Variants in GSE1 observed in about 807,000 individuals in gnomAD.
GSE1 encodes the protein genetic suppressor element 1.
GSE1 carries 32 observed loss-of-function variants against 112.6 expected under a neutral mutation model. The observed-to-expected ratio is 0.28, with a 90% confidence interval of 0.21 to 0.38. The LOEUF is 0.38. Ranked by LOEUF, GSE1 falls within the 10% of genes least tolerant of loss-of-function variation. The pLI, the probability that GSE1 is intolerant of heterozygous loss-of-function variation, is 1.00. For synonymous variants in GSE1, 1,115 were observed against 735.6 expected (o/e 1.52, Z -8.35); for missense variants, 2,348 against 1,699.2 (o/e 1.38, Z -6.71).
chr16:85,381,991 C>G (rs746553328), intron 2 of GSE1, among the ~76,000 whole-genome samples: 1 of 152,218 alleles, frequency 6.6e-6, no homozygotes, highest in Admixed American at 6.5e-5. Flanking sequence ...AAATAACAGG[C>G]GTGCAGGCTG....
intron 1 of GSE1, among the ~76,000 whole-genome samples, chr16:85,604,354 T>C (rs951963899): frequency 6.6e-6 from 1 of 152,102 alleles, no homozygotes; most frequent in African/African-American, 2.4e-5. Flanking sequence ...TTTTTATGGC[T>C]GAGTAATAGT....
At chr16:85,170,727 G>A in exon 1 of GSE1, 4 of 985,606 alleles carry the variant, frequency 4.1e-6, no homozygotes, top group Non-Finnish European at 4.8e-6. Context: ...TCCCCTTCCT[G>A]TGGCTGCACA....
chr16:85,310,029 G>A (rs953232277), intron 1 of GSE1, among the ~76,000 whole-genome samples: 24 of 152,254 alleles, frequency 1.6e-4, no homozygotes, highest in Admixed American at 2.6e-4. Flanking sequence ...TTAATCCAGC[G>A]CCTGTCAGTC....
chr16:85,264,283 C>T (rs1309668533), intron 1 of GSE1, among the ~76,000 whole-genome samples: 2 of 152,020 alleles, frequency 1.3e-5, no homozygotes, highest in African/African-American at 4.8e-5. Context: ...GTATCTGTCC[C>T]ACATCCCTAG....
At chr16:85,306,045 C>T (rs530949675) in intron 1 of GSE1, among the ~76,000 whole-genome samples, 20 of 152,092 alleles carry the variant, frequency 1.3e-4, no homozygotes, top group South Asian at 1.0e-3. Flanking sequence ...GAGCCTAGAT[C>T]GTGCCACTGC....
At chr16:85,526,311 C>T (rs1339824757) in intron 2 of GSE1, among the ~76,000 whole-genome samples, 2 of 152,268 alleles carry the variant, frequency 1.3e-5, no homozygotes, top group Non-Finnish European at 2.9e-5. Flanking sequence ...AGTGATGGGG[C>T]GTGCAAGGCA....
At chr16:85,318,045 C>T (rs914765390) in intron 1 of GSE1, among the ~76,000 whole-genome samples, 7 of 152,178 alleles carry the variant, frequency 4.6e-5, no homozygotes, top group Admixed American at 4.6e-4. Flanking sequence ...GACAAGGCCA[C>T]GTTTGAACAG....
chr16:85,530,909 G>T (rs2044115412), intron 2 of GSE1, among the ~76,000 whole-genome samples: 1 of 152,206 alleles, frequency 6.6e-6, no homozygotes, highest in East Asian at 1.9e-4. Flanking sequence ...TAGCCCCCTT[G>T]GCCACTCCCT....
intron 1 of GSE1, among the ~76,000 whole-genome samples, chr16:85,615,353 C>T (rs2048308062): frequency 6.6e-6 from 1 of 152,260 alleles, no homozygotes; most frequent in African/African-American, 2.4e-5. Context: ...CTCGGTGCTT[C>T]CTAAGAGACT....
intron 1 of GSE1, among the ~76,000 whole-genome samples, chr16:85,260,034 G>A (rs1442871789): frequency 1.3e-5 from 2 of 152,240 alleles, no homozygotes; most frequent in Non-Finnish European, 2.9e-5. Context: ...ACCAGAAAGG[G>A]ACGGAGATGA....
At chr16:85,556,749 GCC>G (rs71153803) in intron 1 of GSE1, among the ~76,000 whole-genome samples, 3,802 of 84,272 alleles carry the variant, frequency 0.045, 101 homozygotes, top group Middle Eastern at 0.092. Flanking sequence ...CGGGTAGCAT[GCC>G]CCCCCCCCCC....
chr16:85,197,318 A>G (rs2074946749), intron 1 of GSE1, among the ~76,000 whole-genome samples: 1 of 152,138 alleles, frequency 6.6e-6, no homozygotes. Context: ...TGGGAAAGGG[A>G]GAGATGAGGC....
intron 1 of GSE1, among the ~76,000 whole-genome samples, chr16:85,633,062 C>T (rs946193972): frequency 6.6e-6 from 1 of 152,120 alleles, no homozygotes; most frequent in Non-Finnish European, 1.5e-5. Flanking sequence ...CCAGGTCAGC[C>T]GTTGCTGCGC....
At chr16:85,619,090 C>A (rs1425190053) in intron 1 of GSE1, among the ~76,000 whole-genome samples, 1 of 152,218 alleles carries the variant, frequency 6.6e-6, no homozygotes, top group African/African-American at 2.4e-5. Flanking sequence ...GCTCAAGTCA[C>A]CACAGCAGAC....
At chr16:85,455,624 G>C (rs2049805302) in intron 2 of GSE1, among the ~76,000 whole-genome samples, 1 of 152,188 alleles carries the variant, frequency 6.6e-6, no homozygotes, top group Admixed American at 6.5e-5. Flanking sequence ...GCCCCGTTTG[G>C]AATTGATGGC....
At chr16:85,251,840 C>T (rs552263936) in intron 1 of GSE1, among the ~76,000 whole-genome samples, 44 of 152,354 alleles carry the variant, frequency 2.9e-4, no homozygotes, top group African/African-American at 1.0e-3. Flanking sequence ...CTGCACACAA[C>T]CGCTGGGTGT....
intron 1 of GSE1, among the ~76,000 whole-genome samples, chr16:85,173,558 C>G (rs926005655): frequency 6.6e-6 from 1 of 152,188 alleles, no homozygotes; most frequent in Admixed American, 6.5e-5. Context: ...GAGGTGCTGG[C>G]TTGCAGGCTG....
chr16:85,199,390 G>T (rs1290218930), intron 1 of GSE1, among the ~76,000 whole-genome samples: 4 of 152,168 alleles, frequency 2.6e-5, no homozygotes, highest in Non-Finnish European at 5.9e-5. Flanking sequence ...CTGGCTGTGG[G>T]GTTTCTTCTG....
chr16:85,557,950 T>C (rs913343720), intron 1 of GSE1, among the ~76,000 whole-genome samples: 2 of 152,168 alleles, frequency 1.3e-5, no homozygotes, highest in African/African-American at 4.8e-5. Flanking sequence ...AGCGTTTCCA[T>C]TCCATTCTTG....
Sources: allele counts gnomAD v4.1 joint callset (sites outside exome capture counted in the v4.1 genomes callset), GRCh38; gene constraint gnomAD v4.1.1; transcripts MANE v1.5; gene names NCBI Gene and HGNC (gene_info 2026-07-23, HGNC 2026-07-21).